Variants in NUP210L observed in about 807,000 individuals in gnomAD.
NUP210L encodes nuclear pore membrane glycoprotein 210-like.
In NUP210L, 74 loss-of-function variants were observed where a neutral mutation model predicts 208.5. That is an observed-to-expected ratio of 0.35 (90% confidence interval 0.29 to 0.43). The LOEUF (loss-of-function observed/expected upper bound fraction) is 0.43, where lower values mean the gene tolerates loss of function less well. Ranked by LOEUF, NUP210L falls within the 20% of genes least tolerant of loss-of-function variation. NUP210L has a pLI of 1.00. For missense variants in NUP210L, 1,843 were observed against 2,289.4 expected (o/e 0.81, Z 3.98); for synonymous variants, 780 against 816.9 (o/e 0.95, Z 0.77).
intron 16 of NUP210L, among the ~76,000 whole-genome samples, chr1:154,071,973 C>T (rs1557956387): frequency 7.4e-6 from 1 of 134,760 alleles, no homozygotes; most frequent in Non-Finnish European, 1.7e-5. Context: ...AGTATTCCAT[C>T]GCGTGTGTGT....
chr1:154,089,616 A>C (rs1317352636), intron 15 of NUP210L, 22 bp from the exon 16 acceptor site: 1 of 1,607,396 alleles, frequency 6.2e-7, no homozygotes, highest in Admixed American at 1.7e-5. Flanking sequence ...TCACAGAGCA[A>C]GAGATAATTG....
In NUP210L at chr1:154,056,803, T is replaced by TA. The variant is rs746703625; in HGVS notation, c.3240+11dup. On this transcript the variant is annotated intron_variant, in intron 23 of 39. Transcript: ENST00000368559. ...GAAAAAGTACAAATTTTGGATGAGA[T>TA]AATTTCCTTACTTCAATGTGCCGAG... The TA allele has an allele frequency of 3.9e-6, 6 of 1,554,886 alleles. No individual in the cohort carries two copies. In the Admixed American group the frequency reaches 8.9e-5, roughly 23 times the overall value.
intron 25 of NUP210L, among the ~76,000 whole-genome samples, chr1:154,047,636 T>A (rs1472809986): frequency 6.6e-6 from 1 of 152,222 alleles, no homozygotes; most frequent in Non-Finnish European, 1.5e-5. Context: ...TTGTTTCATG[T>A]AAGGAATGCT....
chr1:154,125,073 C>G (rs932648595), intron 10 of NUP210L, among the ~76,000 whole-genome samples: 3 of 150,910 alleles, frequency 2.0e-5, no homozygotes, highest in African/African-American at 7.3e-5. Flanking sequence ...GGGAGGCTGA[C>G]ATGGGAGGAT....
intron 16 of NUP210L, among the ~76,000 whole-genome samples, chr1:154,087,827 G>A (rs1655701174): frequency 6.6e-6 from 1 of 152,116 alleles, no homozygotes; most frequent in Non-Finnish European, 1.5e-5. Flanking sequence ...AAAGAAGCTA[G>A]GCACAAAGGA....
chr1:154,008,677 G>A (rs1650715379), intron 35 of NUP210L, among the ~76,000 whole-genome samples: 1 of 152,212 alleles, frequency 6.6e-6, no homozygotes, highest in Admixed American at 6.5e-5. Context: ...CTGCACTCCA[G>A]TCTGGGAGAC....
At chr1:154,011,088 A>G (rs1650886748) in intron 34 of NUP210L, among the ~76,000 whole-genome samples, 1 of 152,156 alleles carries the variant, frequency 6.6e-6, no homozygotes, top group Non-Finnish European at 1.5e-5. Context: ...GTCAGCTGCA[A>G]TGAGTGGCAT....
chr1:154,114,778 T>TG (rs34339959), intron 12 of NUP210L, among the ~76,000 whole-genome samples: 94 of 140,602 alleles, frequency 6.7e-4, no homozygotes, highest in African/African-American at 2.2e-3. Context: ...TTTTAAGAGA[T>TG]GGGGGGGGGG....
At chr1:154,014,514 C>T (rs1173056069) in intron 33 of NUP210L, among the ~76,000 whole-genome samples, 1 of 152,102 alleles carries the variant, frequency 6.6e-6, no homozygotes, top group African/African-American at 2.4e-5. Flanking sequence ...TCCAAATTTT[C>T]CCTCTCTACC....
exon 39 of NUP210L, chr1:153,993,019 C>T (rs768588228): frequency 6.2e-7 from 1 of 1,613,362 alleles, no homozygotes; most frequent in Non-Finnish European, 8.5e-7. Flanking sequence ...TTTTACCTGG[C>T]TGTGGTGTTC....
At chr1:154,132,176 C>A (rs370908160) in intron 7 of NUP210L, among the ~76,000 whole-genome samples, 1 of 152,168 alleles carries the variant, frequency 6.6e-6, no homozygotes, top group Non-Finnish European at 1.5e-5. Flanking sequence ...TTTTCCCATA[C>A]GAACCTTAAA....
At chr1:154,091,579 C>T (rs1394028083) in intron 15 of NUP210L, among the ~76,000 whole-genome samples, 2 of 147,576 alleles carry the variant, frequency 1.4e-5, no homozygotes, top group Admixed American at 6.8e-5. Context: ...CGGCTCACTG[C>T]AATCTCCACC....
At chr1:154,123,943 G>T (rs1657748968) in intron 10 of NUP210L, among the ~76,000 whole-genome samples, 1 of 151,500 alleles carries the variant, frequency 6.6e-6, no homozygotes, top group Non-Finnish European at 1.5e-5. Context: ...TAGCACTTTG[G>T]GAGTCCAAGG....
intron 20 of NUP210L, among the ~76,000 whole-genome samples, chr1:154,059,113 T>C (rs1053007785): frequency 1.3e-5 from 2 of 152,132 alleles, no homozygotes; most frequent in African/African-American, 4.8e-5. Context: ...GGCAAGAGGA[T>C]TGCTTGAGCC....
exon 13 of NUP210L, chr1:154,104,056 T>A: frequency 6.2e-7 from 1 of 1,614,088 alleles, no homozygotes; most frequent in Non-Finnish European, 8.5e-7. Context: ...CATGTTCAGA[T>A]CCAAGGATAA....
intron 33 of NUP210L, among the ~76,000 whole-genome samples, chr1:154,017,278 C>T (rs1651307885): frequency 7.1e-6 from 1 of 140,246 alleles, no homozygotes; most frequent in Admixed American, 7.8e-5. Flanking sequence ...AAGATTCTGT[C>T]TCCAACAAAA....
At chr1:154,006,655 G>A (rs1010840438) in intron 35 of NUP210L, among the ~76,000 whole-genome samples, 2 of 150,678 alleles carry the variant, frequency 1.3e-5, no homozygotes, top group East Asian at 2.0e-4. Context: ...CACCATGCCC[G>A]GCTAATTTTT....
At chr1:154,144,825 C>T (rs1043564974) in intron 2 of NUP210L, among the ~76,000 whole-genome samples, 1 of 152,156 alleles carries the variant, frequency 6.6e-6, no homozygotes, top group African/African-American at 2.4e-5. Context: ...AAGGAGAGGC[C>T]GGGTGCAGTG....
chr1:154,114,669 T>C (rs1657222153), intron 12 of NUP210L, among the ~76,000 whole-genome samples: 1 of 152,052 alleles, frequency 6.6e-6, no homozygotes, highest in South Asian at 2.1e-4. Context: ...AGAGGCGTGA[T>C]CATAGTTCAC....
Sources: allele counts gnomAD v4.1 joint callset (sites outside exome capture counted in the v4.1 genomes callset), GRCh38; gene constraint gnomAD v4.1.1; transcripts MANE v1.5; gene names NCBI Gene and HGNC (gene_info 2026-07-23, HGNC 2026-07-21).